Variants in CACNG2 observed in about 807,000 individuals in gnomAD.
CACNG2 encodes voltage-dependent calcium channel gamma-2 subunit.
Under a neutral mutation model 25.9 loss-of-function variants are expected in CACNG2, and 3 were observed. The ratio of observed to expected loss-of-function variants is 0.12; its 90% CI spans 0.05 to 0.30. The LOEUF is 0.30. Among genes scored for constraint, CACNG2 ranks in the 10% least tolerant of loss-of-function variants. CACNG2 has a pLI of 1.00. For missense variants in CACNG2, 341 were observed against 432.5 expected, an observed-to-expected ratio of 0.79 and a Z score of 1.88; for synonymous variants, 167 against 173.3, an observed-to-expected ratio of 0.96 and a Z score of 0.29.
At position 36,624,911 on chromosome 22, in the gene CACNG2, C is replaced by G. The variant is rs544105412; in HGVS notation, c.212-37363G>C. On this transcript the variant is annotated intron_variant, in intron 1 of 3. Coordinates refer to ENST00000300105, the MANE Select transcript of CACNG2 (RefSeq NM_006078.5). ...GGTGTGGTGGCATGTGCCTATAATT[C>G]CAGCTACTTGGGAGGCTGAGGTAGG... 2.5e-4 allele frequency among the ~76,000 whole-genome samples: 38 copies of G among 150,444 alleles called. No individual in the cohort carries two copies. The South Asian group carries it at 5.3e-3, about 21-fold the overall frequency.
chr22:36,566,616 G>C (rs769093823), intron 2 of CACNG2, 123 bp from the exon 3 acceptor site: 2 of 1,078,568 alleles, frequency 1.9e-6, no homozygotes, highest in Non-Finnish European at 2.8e-6. Flanking sequence ...TTAGAGGAGA[G>C]GTTGCTTTGC....
rs541682208 is a variant in CACNG2, at chr22:36,662,178, T to C, written c.211+40188A>G. On this transcript the variant is annotated intron_variant, in intron 1 of 3. Transcript: ENST00000300105. ...TGTATTTTTAGTAGAGATGGGGTTT[T>C]GCCATGTTGGCCAGGCTGGTCTCGA... Among the ~76,000 whole-genome samples the C allele has an allele frequency of 1.9e-4, 29 of 151,758 alleles. No individual in the cohort carries two copies. In the East Asian group the frequency reaches 5.5e-3, roughly 29 times the overall value.
chr22:36,650,558 T>C (rs1012059026), intron 1 of CACNG2, among the ~76,000 whole-genome samples: 2 of 152,082 alleles, frequency 1.3e-5, no homozygotes, highest in Admixed American at 6.5e-5. Context: ...TTTAAAAAAA[T>C]AGACATGGGG....
In CACNG2 at chr22:36,564,554, T is replaced by A. The variant is rs776572206; in HGVS notation, c.769A>T (p.Ile257Phe). 6.2e-7 allele frequency: 1 copy of A among 1,614,076 alleles called. No homozygotes were observed. The highest frequency in any genetic ancestry group is 2.2e-5 in the East Asian group (1 of 44,870). ...SHSRDASPVG[I>F]KGFNTLPSTE... ...GACGGCAGGGTGTTGAAGCCCTTGATGCCCACGGGGGAGGCGTCCCTGGAG... is the reference window on the plus strand; with the variant it reads ...GACGGCAGGGTGTTGAAGCCCTTGAAGCCCACGGGGGAGGCGTCCCTGGAG... The change falls in exon 4 of 4, where the codon ATC (isoleucine) becomes TTC (phenylalanine). Residue 257 changes from isoleucine (I) to phenylalanine (F), a missense_variant. Physicochemically the swap from Ile to Phe is conservative, Grantham distance 21. Transcript: ENST00000300105. This position sits in a 1 kb window ranked among gnomAD's most constrained non-coding sequence, Gnocchi z 6.7.
intron 1 of CACNG2, among the ~76,000 whole-genome samples, chr22:36,599,052 T>C (rs1314217167): frequency 2.0e-5 from 3 of 152,242 alleles, no homozygotes; most frequent in African/African-American, 7.2e-5. Flanking sequence ...GAAATGTGTG[T>C]TGAAGAAACA....
intron 1 of CACNG2, among the ~76,000 whole-genome samples, chr22:36,653,613 T>A (rs1217421760): frequency 7.0e-6 from 1 of 143,100 alleles, no homozygotes; most frequent in African/African-American, 3.0e-5. Flanking sequence ...CAGAGCCGGA[T>A]GATCTGAAGT....
chr22:36,607,962 G>T (rs1381504585), intron 1 of CACNG2, among the ~76,000 whole-genome samples: 1 of 152,194 alleles, frequency 6.6e-6, no homozygotes, highest in Non-Finnish European at 1.5e-5. Flanking sequence ...CGAGACTAGG[G>T]TGAGACATCT....
chr22:36,572,202 C>G lies in CACNG2; in HGVS notation c.296-5709G>C, dbSNP rs553672028. Among the ~76,000 whole-genome samples, 133 of 152,322 alleles carry G rather than the reference C, an allele frequency of 8.7e-4. 1 individual carries two copies. The highest frequency in any genetic ancestry group is 2.9e-3 in the African/African-American group (119 of 41,584). The stretch of plus-strand genomic sequence containing the variant: ...CCCCTCCCCTGTACCAGGCCTTGTT[C>G]TAAGAGCGGTGTAAACCTCATACCA... On this transcript the variant is annotated intron_variant, in intron 2 of 3. Coordinates refer to ENST00000300105, the MANE Select transcript of CACNG2 (RefSeq NM_006078.5).
rs1181593144 is a variant in CACNG2 at position 36,564,269 on chromosome 22, G to T, written c.*82C>A. 3.0e-5 allele frequency: 38 copies of T among 1,268,524 alleles called. 1 individual carries two copies. The South Asian group carries it at 3.5e-4, about 12-fold the overall frequency. 78.6% of individuals were successfully genotyped at this position (1,268,524 alleles called of 1,614,324 possible). A position where few individuals can be genotyped will look rare whatever the true frequency, so the allele number is the denominator to read the frequency against. ...TTTTGCTTTTGGAAGGTCTCCCAGC[G>T]GAGGGTCTGGGTCTCCCCGCCCCGC... On this transcript the variant is annotated 3_prime_UTR_variant, in exon 4 of 4. Transcript: ENST00000300105. The surrounding 1 kb of genome is among the most constrained non-coding windows in gnomAD (Gnocchi z 6.7).
At chr22:36,628,521 T>C (rs1318924741) in intron 1 of CACNG2, among the ~76,000 whole-genome samples, 5 of 152,250 alleles carry the variant, frequency 3.3e-5, no homozygotes, top group African/African-American at 7.2e-5. Flanking sequence ...AGGGTTCTGC[T>C]TTCCTAGTGG....
chr22:36,626,779 C>T (rs1307850798), intron 1 of CACNG2, among the ~76,000 whole-genome samples: 1 of 152,154 alleles, frequency 6.6e-6, no homozygotes, highest in Middle Eastern at 3.2e-3. Context: ...GAGTCTGTAG[C>T]TATACATAGG....
intron 1 of CACNG2, among the ~76,000 whole-genome samples, chr22:36,638,371 A>G (rs1936391450): frequency 6.6e-6 from 1 of 152,120 alleles, no homozygotes; most frequent in Non-Finnish European, 1.5e-5. Context: ...GGCACGAGGG[A>G]CTGCATCTTC....
At chr22:36,586,468 G>C (rs1353598196) in intron 2 of CACNG2, among the ~76,000 whole-genome samples, 3 of 152,228 alleles carry the variant, frequency 2.0e-5, no homozygotes, top group Non-Finnish European at 4.4e-5. Flanking sequence ...CCAGCTGCCT[G>C]GCTGACTTTA....
chr22:36,693,223 A>G (rs780058000), intron 1 of CACNG2, among the ~76,000 whole-genome samples: 19 of 152,144 alleles, frequency 1.2e-4, no homozygotes, highest in Non-Finnish European at 2.4e-4. Context: ...AGAAGGTGAT[A>G]TTTGAATAGA....
chr22:36,583,578 T>C (rs188705353), intron 2 of CACNG2, among the ~76,000 whole-genome samples: 10 of 152,230 alleles, frequency 6.6e-5, no homozygotes, highest in Middle Eastern at 3.4e-3. Flanking sequence ...GCTCCTTCCC[T>C]CTCCTTTCAC....
At chr22:36,679,964 T>A (rs1043872679) in intron 1 of CACNG2, among the ~76,000 whole-genome samples, 12 of 151,852 alleles carry the variant, frequency 7.9e-5, no homozygotes, top group African/African-American at 2.9e-4. Flanking sequence ...ACCACCTGCA[T>A]CACAATCATT....
intron 1 of CACNG2, among the ~76,000 whole-genome samples, chr22:36,605,396 C>G (rs139977646): frequency 3.3e-5 from 5 of 152,126 alleles, no homozygotes. Context: ...TTTATATGCA[C>G]TAGGAAACCA....
At chr22:36,701,105 T>C (rs1415158389) in intron 1 of CACNG2, among the ~76,000 whole-genome samples, 1 of 152,172 alleles carries the variant, frequency 6.6e-6, no homozygotes, top group Non-Finnish European at 1.5e-5. Flanking sequence ...CACCATCCCA[T>C]GTCGAGCTTA....
At chr22:36,660,255 T>C (rs1936771969) in intron 1 of CACNG2, among the ~76,000 whole-genome samples, 2 of 152,234 alleles carry the variant, frequency 1.3e-5, no homozygotes, top group South Asian at 4.1e-4. Flanking sequence ...CAGCAAATAT[T>C]TGCCAAATTC....
Sources: allele counts gnomAD v4.1 joint callset (sites outside exome capture counted in the v4.1 genomes callset), GRCh38; gene constraint gnomAD v4.1.1; non-coding constraint Gnocchi (gnomAD v3.1); transcripts MANE v1.5; gene names NCBI Gene and HGNC (gene_info 2026-07-23, HGNC 2026-07-21).